Variants in METTL8 observed in about 807,000 individuals in gnomAD.
The protein encoded by METTL8 is methyltransferase 8, tRNA N3-cytidine, also known as tRNA N(3)-cytidine methyltransferase METTL8, mitochondrial.
A neutral mutation model predicts 48.7 loss-of-function variants in METTL8; 32 were observed. The ratio of observed to expected loss-of-function variants is 0.66; its 90% CI spans 0.50 to 0.88. METTL8 has a LOEUF of 0.88. METTL8 is among the 40% of genes least tolerant of loss of function. METTL8 has a pLI of 0.00. For missense variants in METTL8, 464 were observed against 474.4 expected, an observed-to-expected ratio of 0.98 and a Z score of 0.20; for synonymous variants, 136 against 157.1, an observed-to-expected ratio of 0.87 and a Z score of 1.01.
chr2:171,366,712 T>C (rs1350120857), intron 2 of METTL8, among the ~76,000 whole-genome samples: 7 of 152,002 alleles, frequency 4.6e-5, no homozygotes. Context: ...AACAAACCCA[T>C]ATACACTATC....
At chr2:171,366,418 C>T (rs530126284) in intron 2 of METTL8, among the ~76,000 whole-genome samples, 15 of 152,226 alleles carry the variant, frequency 9.9e-5, no homozygotes, top group African/African-American at 3.4e-4. Flanking sequence ...AGAAAAAACT[C>T]GACATCTTTA....
intron 1 of METTL8, among the ~76,000 whole-genome samples, chr2:171,397,375 A>AAAC (rs1689188389): frequency 6.8e-6 from 1 of 147,522 alleles, no homozygotes; most frequent in Non-Finnish European, 1.5e-5. Context: ...AAAAAAAAAA[A>AAAC]AAAACAACAT....
At chr2:171,361,525 T>C (rs1047855123) in intron 2 of METTL8, among the ~76,000 whole-genome samples, 1 of 152,204 alleles carries the variant, frequency 6.6e-6, no homozygotes, top group Non-Finnish European at 1.5e-5. Flanking sequence ...ATTATAATTA[T>C]AGTAACTGCC....
intron 2 of METTL8, among the ~76,000 whole-genome samples, chr2:171,362,283 G>A (rs1048224122): frequency 6.6e-6 from 1 of 152,114 alleles, no homozygotes; most frequent in Non-Finnish European, 1.5e-5. Flanking sequence ...AGGAAGGAAA[G>A]GGGGAGAGGG....
intron 1 of METTL8, among the ~76,000 whole-genome samples, chr2:171,408,540 C>A (rs999851243): frequency 3.9e-5 from 6 of 152,152 alleles, no homozygotes; most frequent in African/African-American, 1.4e-4. Context: ...GATCCACCCA[C>A]CTCGGCCTCC....
chr2:171,339,730 G>A (rs1686506865), intron 3 of METTL8, among the ~76,000 whole-genome samples, 176 bp from the exon 4 acceptor site: 1 of 152,022 alleles, frequency 6.6e-6, no homozygotes, highest in Admixed American at 6.6e-5. Flanking sequence ...AAACTACAGA[G>A]CTTTAATTCT....
chr2:171,382,144 G>T (rs1687616408), intron 2 of METTL8, among the ~76,000 whole-genome samples: 1 of 152,070 alleles, frequency 6.6e-6, no homozygotes, highest in African/African-American at 2.4e-5. Context: ...AAAACAGTGT[G>T]GCAATTCCTC....
chr2:171,385,350 A>G (rs1257348395), intron 2 of METTL8, among the ~76,000 whole-genome samples: 3 of 151,894 alleles, frequency 2.0e-5, no homozygotes, highest in Admixed American at 2.0e-4. Context: ...AAAAAAAAAA[A>G]TCAAATTCAG....
chr2:171,372,822 T>G lies in METTL8; in HGVS notation c.144-12309A>C, dbSNP rs565022466. On this transcript the variant is annotated intron_variant, in intron 2 of 9. Coordinates refer to ENST00000375258, the MANE Select transcript of METTL8 (RefSeq NM_001321154.2). ...TACAAAGGACATGAACTCATCTTTTTTTATGGCTGCATAGTATTCCATGGT... is the reference window on the plus strand; with the variant it reads ...TACAAAGGACATGAACTCATCTTTTGTTATGGCTGCATAGTATTCCATGGT... Among the ~76,000 whole-genome samples, 8 of 152,358 alleles carry G rather than the reference T, an allele frequency of 5.3e-5. No individual in the cohort carries two copies. The South Asian group carries it at 1.7e-3, about 32-fold the overall frequency.
At chr2:171,341,327 CAAAA>C (rs36083621) in intron 3 of METTL8, among the ~76,000 whole-genome samples, 1 of 129,150 alleles carries the variant, frequency 7.7e-6, no homozygotes, top group Non-Finnish European at 1.6e-5. Context: ...GACTCCGTCT[CAAAA>C]AAAAAAAAAA....
At chr2:171,344,892 T>C (rs1025798379) in intron 3 of METTL8, among the ~76,000 whole-genome samples, 5 of 152,198 alleles carry the variant, frequency 3.3e-5, no homozygotes, top group African/African-American at 1.2e-4. Context: ...GTATCTGTGT[T>C]AACAGGGGAA....
At chr2:171,371,698 A>G (rs1686360199) in intron 2 of METTL8, among the ~76,000 whole-genome samples, 1 of 151,442 alleles carries the variant, frequency 6.6e-6, no homozygotes, top group African/African-American at 2.4e-5. Flanking sequence ...TAGCCTCTGG[A>G]AAAACCTCTG....
intron 1 of METTL8, among the ~76,000 whole-genome samples, chr2:171,407,603 A>G (rs2105611877): frequency 6.6e-6 from 1 of 152,346 alleles, no homozygotes; most frequent in East Asian, 1.9e-4. Flanking sequence ...TCTTATGTTA[A>G]TCTTCTGAAA....
chr2:171,363,792 TTATA>T lies in METTL8; in HGVS notation c.144-3283_144-3280del, dbSNP rs200347847. Among the ~76,000 whole-genome samples the T allele has an allele frequency of 2.7e-3, 263 of 97,444 alleles. 10 individuals are homozygous for T. The East Asian group carries it at 0.031, about 11-fold the overall frequency. 63.9% of individuals were successfully genotyped at this position (97,444 alleles called of 152,430 possible). ...GGTTAAAAAAGTACATCCCCAAATT[TTATA>T]TATATATATATATATATATCTTTTT... On this transcript the variant is annotated intron_variant, in intron 2 of 9. Transcript: ENST00000375258.
chr2:171,389,455 C>T (rs1456696117), intron 2 of METTL8, among the ~76,000 whole-genome samples: 1 of 126,120 alleles, frequency 7.9e-6, no homozygotes, highest in Non-Finnish European at 1.6e-5. Flanking sequence ...GGTGAAGGTT[C>T]AGTGAACCGT....
At chr2:171,423,470 A>G (rs1692081656) in intron 1 of METTL8, among the ~76,000 whole-genome samples, 1 of 152,198 alleles carries the variant, frequency 6.6e-6, no homozygotes, top group South Asian at 2.1e-4. Context: ...GATGTGGGAA[A>G]GTTTGGAACT....
At chr2:171,420,577 C>A (rs928600552) in intron 1 of METTL8, among the ~76,000 whole-genome samples, 1 of 152,112 alleles carries the variant, frequency 6.6e-6, no homozygotes, top group East Asian at 1.9e-4. Flanking sequence ...ATTAAACATA[C>A]CCCTGAGCCA....
intron 1 of METTL8, among the ~76,000 whole-genome samples, chr2:171,400,764 G>T (rs990520448): frequency 6.6e-6 from 1 of 152,156 alleles, no homozygotes; most frequent in Non-Finnish European, 1.5e-5. Flanking sequence ...TGCTTTTTAA[G>T]ATGGTTCCTA....
At chr2:171,434,654 G>A (rs1443172852), upstream of METTL8, 2 of 1,535,584 alleles carry the variant, frequency 1.3e-6, no homozygotes, top group Non-Finnish European at 1.7e-6. Flanking sequence ...CGCGACGCAG[G>A]CGTGGTGCAG....
Sources: gnomAD v4.1 joint callset for allele counts (sites outside exome capture counted in the v4.1 genomes callset) on GRCh38, gnomAD v4.1.1 for gene constraint, MANE v1.5 for transcripts, NCBI Gene and HGNC (gene_info 2026-07-23, HGNC 2026-07-21) for gene names.